Variants in SMG1 observed in about 807,000 individuals in gnomAD.
SMG1 encodes serine/threonine-protein kinase SMG1.
SMG1 carries 22 observed loss-of-function variants against 419.9 expected under a neutral mutation model. That is an observed-to-expected ratio of 0.05 (90% CI 0.04 to 0.07). SMG1 has a LOEUF of 0.07. Among genes scored for constraint, SMG1 ranks in the 10% least tolerant of loss-of-function variants. SMG1 has a pLI of 1.00. For missense variants in SMG1, 3,185 were observed against 4,342.0 expected (o/e 0.73, Z 7.49); for synonymous variants, 1,538 against 1,553.5 (o/e 0.99, Z 0.23).
chr16:18,850,191 G>A, intron 34 of SMG1, 46 bp downstream of exon 34: 1 of 1,580,378 alleles, frequency 6.3e-7, no homozygotes, highest in East Asian at 2.3e-5. Context: ...TGTTTAATAA[G>A]AAAAAGTTTC....
chr16:18,905,054 G>GT (rs1306652135), intron 1 of SMG1, among the ~76,000 whole-genome samples: 3 of 152,022 alleles, frequency 2.0e-5, no homozygotes, highest in Non-Finnish European at 4.4e-5. Context: ...GAGTTCAGGA[G>GT]TTTGAGACCA....
Position 18,815,002 on chromosome 16 carries a change from G to A in SMG1, c.10621+173C>T, listed in dbSNP as rs1408306321. Among the ~76,000 whole-genome samples, 5 of 151,612 alleles carry A rather than the reference G, an allele frequency of 3.3e-5. No individual in the cohort carries two copies. In the East Asian group the frequency reaches 5.8e-4, roughly 18 times the overall value. On this transcript the variant is annotated intron_variant, in intron 60 of 62. Coordinates refer to ENST00000446231, the MANE Select transcript of SMG1 (RefSeq NM_015092.5). ...CAAGTAGCTGAGATTACAGGTGTGA[G>A]CCATCGTGCCTGGCTTACGAGTATT... is the stretch of plus-strand genomic sequence containing the variant.
chr16:18,850,450 A>C lies in SMG1; in HGVS notation c.5070T>G (p.Leu1690=). The C allele has an allele frequency of 6.2e-7, 1 of 1,612,492 alleles. No individual in the cohort carries two copies. The highest frequency in any genetic ancestry group is 8.5e-7 in the Non-Finnish European group (1 of 1,179,046). ...CGTTGTCTTCACTCTCAGTTATCTG[A>C]AGTGTTATATCTTCATCCTGAAGAA... ...PAGIQDEDIT[L]QITESEDNEE... is the part of the protein sequence containing the mutation. The change falls in exon 34 of 63, where the codon CTT becomes CTG. Residue 1690 remains leucine (L), a synonymous_variant. Transcript: ENST00000446231.
chr16:18,926,224 C>A lies in SMG1; in HGVS notation c.-183G>T. ...AGGGCGGGGGAAGAGGACGGCCGTT[C>A]CGGGTTCCGCCTGAGCCCGCAGCGC... On this transcript the variant is annotated 5_prime_UTR_variant, in exon 1 of 63. Coordinates refer to ENST00000446231, the MANE Select transcript of SMG1 (RefSeq NM_015092.5). 1 of 573,750 alleles carries A rather than the reference C, an allele frequency of 1.7e-6. No homozygotes were observed. Among genetic ancestry groups the A allele is most frequent in the South Asian group, 2.2e-5 (1 of 45,894 alleles). The allele number at this position is 573,750 out of a possible 1,614,324, so 35.5% of individuals were successfully genotyped here.
At chr16:18,904,777 A>C (rs2037493791) in intron 1 of SMG1, among the ~76,000 whole-genome samples, 1 of 151,814 alleles carries the variant, frequency 6.6e-6, no homozygotes, top group South Asian at 2.1e-4. Flanking sequence ...TCAACTAAAA[A>C]TACAAATATC....
At chr16:18,816,965 T>C (rs1185002934) in intron 57 of SMG1, among the ~76,000 whole-genome samples, 1 of 152,196 alleles carries the variant, frequency 6.6e-6, no homozygotes, top group African/African-American at 2.4e-5. Context: ...ATAAGCCCTC[T>C]TTCTCCTGCT....
Position 18,808,055 on chromosome 16 carries a change from C to G in SMG1, c.*1514G>C, listed in dbSNP as rs1157378760. ...GGATTACAGGCGTGAGCCACTGTGC[C>G]CAGCCAACAATTAAGATTTTAATTG... On this transcript the variant is annotated 3_prime_UTR_variant, in exon 63 of 63. Transcript: ENST00000446231. 1 of 152,258 alleles carries G rather than the reference C, an allele frequency of 6.6e-6. No individual in the cohort carries two copies. The highest frequency in any genetic ancestry group is 2.4e-5 in the African/African-American group (1 of 41,460). The allele number at this position is 152,258 out of a possible 1,614,324, so 9.4% of individuals were successfully genotyped here.
intron 1 of SMG1, among the ~76,000 whole-genome samples, chr16:18,920,317 G>A (rs572612504): frequency 6.6e-6 from 1 of 151,570 alleles, no homozygotes; most frequent in East Asian, 1.9e-4. Context: ...GGGAGGTGGA[G>A]GTTGCAGTGA....
At chr16:18,864,825 C>T (rs1044740805) in intron 23 of SMG1, among the ~76,000 whole-genome samples, 14 of 152,082 alleles carry the variant, frequency 9.2e-5, no homozygotes, top group African/African-American at 3.4e-4. Flanking sequence ...CCCCCTCCCA[C>T]AAAAAATGGT....
intron 11 of SMG1, chr16:18,879,180 A>G: frequency 2.6e-6 from 1 of 390,916 alleles, no homozygotes; most frequent in Non-Finnish European, 4.9e-6. Flanking sequence ...CAGTGGCACA[A>G]TCAGAGCTCT....
chr16:18,864,187 C>CTTTCTTTTTTTTTT (rs769709597), intron 23 of SMG1, 43 bp from the exon 24 acceptor site: 1 of 526,210 alleles, frequency 1.9e-6, no homozygotes, highest in African/African-American at 3.2e-5. Flanking sequence ...TATCTACTTA[C>CTTTCTTTTTTTTTT]TTTTTTTTTT....
rs1457411368 is a variant in SMG1 at position 18,869,264 on chromosome 16, C to G, written c.2673G>C (p.Gln891His). 3 of 1,611,576 alleles carry G rather than the reference C, an allele frequency of 1.9e-6. No homozygotes were observed. The highest frequency in any genetic ancestry group is 2.5e-6 in the Non-Finnish European group (3 of 1,179,598). ...NWLERLFYSC[Q>H]RLDKRDQSTI... ...TTGACTGGTCACGCTTATCCAGTCT[C>G]TGGCAGCTATAGAACAGTCTTTCCA... is the stretch of plus-strand genomic sequence containing the variant. The change falls in exon 20 of 63, where the codon CAG becomes CAC. Residue 891 changes from glutamine to histidine, a missense_variant. By Grantham distance (24) the Gln-to-His change is conservative. Transcript: ENST00000446231.
intron 51 of SMG1, among the ~76,000 whole-genome samples, chr16:18,832,230 G>A (rs1046244169): frequency 1.3e-5 from 2 of 152,100 alleles, no homozygotes; most frequent in African/African-American, 4.8e-5. Context: ...AAAGAAAAGA[G>A]GCCCTGAGTC....
chr16:18,852,032 T>G, intron 33 of SMG1, 35 bp downstream of exon 33: 1 of 1,562,702 alleles, frequency 6.4e-7, no homozygotes, highest in Non-Finnish European at 8.6e-7. Context: ...TGATTTGGAG[T>G]AGCAATCTTG....
chr16:18,829,810 C>T, intron 53 of SMG1, 55 bp from the exon 54 acceptor site: 1 of 1,502,078 alleles, frequency 6.7e-7, no homozygotes, highest in Non-Finnish European at 9.0e-7. Context: ...TAATATGCTG[C>T]TTATTTATAG....
At chr16:18,817,214 G>T in intron 57 of SMG1, 77 bp downstream of exon 57, 2 of 1,226,096 alleles carry the variant, frequency 1.6e-6, no homozygotes, top group South Asian at 2.0e-5. Context: ...GAATGTAATC[G>T]GAATGTATAT....
intron 40 of SMG1, 88 bp from the exon 41 acceptor site, chr16:18,841,882 T>A: frequency 8.9e-7 from 1 of 1,121,726 alleles, no homozygotes; most frequent in Non-Finnish European, 1.3e-6. Flanking sequence ...GCAGTGGCAG[T>A]CAAAAACTGA....
rs1228155383 is a variant in SMG1 at position 18,869,840 on chromosome 16, A to G, written c.2633+14T>C. The G allele has an allele frequency of 2.1e-5, 34 of 1,581,834 alleles. No individual in the cohort carries two copies. The East Asian group carries it at 7.4e-4, about 34-fold the overall frequency. Reference sequence around the variant, plus strand: ...TTATGTTTCCCAGATAAAAGAGTCAAAGAAATGCCTTACCCTGTTCTATGA... The same window carrying G: ...TTATGTTTCCCAGATAAAAGAGTCAGAGAAATGCCTTACCCTGTTCTATGA... On this transcript the variant is annotated intron_variant, in intron 19 of 62. Transcript: ENST00000446231.
At chr16:18,842,827 C>G (rs572589662) in intron 39 of SMG1, among the ~76,000 whole-genome samples, 7 of 152,262 alleles carry the variant, frequency 4.6e-5, no homozygotes, top group Non-Finnish European at 8.8e-5. Context: ...GAGACCCTGT[C>G]TCAAAAACAA....
Sources: gnomAD v4.1 joint callset for allele counts (sites outside exome capture counted in the v4.1 genomes callset) on GRCh38, gnomAD v4.1.1 for gene constraint, MANE v1.5 for transcripts, NCBI Gene and HGNC (gene_info 2026-07-23, HGNC 2026-07-21) for gene names.